Variants in RNGTT observed in about 807,000 individuals in gnomAD.
The protein encoded by RNGTT is RNA guanylyltransferase and 5'-phosphatase.
RNGTT carries 33 observed loss-of-function variants against 79.3 expected under a neutral mutation model. The ratio of observed to expected loss-of-function variants is 0.42; its 90% CI spans 0.32 to 0.56. RNGTT has a LOEUF of 0.56. RNGTT is among the 20% of genes least tolerant of loss of function. The pLI is 0.17. For synonymous variants in RNGTT, 222 were observed against 235.9 expected (o/e 0.94, Z 0.54); for missense variants, 497 against 739.1 (o/e 0.67, Z 3.80).
chr6:88,939,038 T>C (rs1784760328), intron 2 of RNGTT, among the ~76,000 whole-genome samples: 1 of 152,236 alleles, frequency 6.6e-6, no homozygotes, highest in African/African-American at 2.4e-5. Flanking sequence ...TAATGTTTTT[T>C]GAATTTTCTC....
chr6:88,839,887 A>AAAAACTG (rs1305909953), intron 11 of RNGTT, among the ~76,000 whole-genome samples: 1 of 152,216 alleles, frequency 6.6e-6, no homozygotes, highest in Non-Finnish European at 1.5e-5. Flanking sequence ...TATTAAAGTT[A>AAAAACTG]AAAACTGAAC....
chr6:88,773,241 AT>A lies in RNGTT; in HGVS notation c.1339-3368del. Among the ~76,000 whole-genome samples the A allele has an allele frequency of 2.0e-5, 3 of 149,086 alleles. No homozygotes were observed. The South Asian group carries it at 6.4e-4, about 32-fold the overall frequency. ...AAGAACAAAAAAACAAACACCGCAT[AT>A]TCTCACTCATAGGTGGGAATTGAAC... On this transcript the variant is annotated intron_variant, in intron 12 of 15. Transcript: ENST00000369485.
intron 8 of RNGTT, among the ~76,000 whole-genome samples, chr6:88,888,936 C>T (rs1582586815): frequency 6.6e-6 from 1 of 152,182 alleles, no homozygotes; most frequent in Admixed American, 6.5e-5. Flanking sequence ...GCTGAGGCAG[C>T]AGAATCGCTT....
intron 13 of RNGTT, among the ~76,000 whole-genome samples, chr6:88,708,708 T>C (rs1204640566): frequency 1.3e-5 from 2 of 152,192 alleles, no homozygotes; most frequent in African/African-American, 2.4e-5. Flanking sequence ...ACTTTGGGGT[T>C]TGCAGACTTT....
At chr6:88,810,652 C>T (rs1780107481) in intron 11 of RNGTT, among the ~76,000 whole-genome samples, 1 of 152,168 alleles carries the variant, frequency 6.6e-6, no homozygotes, top group African/African-American at 2.4e-5. Context: ...TTTAAACTCA[C>T]TTTGATATTC....
intron 2 of RNGTT, among the ~76,000 whole-genome samples, chr6:88,933,037 C>T (rs189081759): frequency 2.0e-5 from 3 of 152,270 alleles, no homozygotes; most frequent in Admixed American, 6.5e-5. Context: ...CACCCTTTCT[C>T]CACTTTAATC....
At chr6:88,757,072 T>G (rs1778042956) in intron 13 of RNGTT, among the ~76,000 whole-genome samples, 1 of 152,202 alleles carries the variant, frequency 6.6e-6, no homozygotes, top group African/African-American at 2.4e-5. Context: ...AAAGGACTAG[T>G]CATCAAACAC....
intron 1 of RNGTT, among the ~76,000 whole-genome samples, chr6:88,952,639 T>TA (rs1035490226): frequency 6.6e-6 from 1 of 152,210 alleles, no homozygotes; most frequent in African/African-American, 2.4e-5. Context: ...ACAACTTCAC[T>TA]ACTAGCATAA....
intron 13 of RNGTT, among the ~76,000 whole-genome samples, chr6:88,762,508 T>C (rs1778302971): frequency 6.6e-6 from 1 of 152,180 alleles, no homozygotes; most frequent in African/African-American, 2.4e-5. Flanking sequence ...GCCTCTAAAA[T>C]CTTATATACA....
At chr6:88,772,171 T>C (rs929358551) in intron 12 of RNGTT, among the ~76,000 whole-genome samples, 3 of 149,852 alleles carry the variant, frequency 2.0e-5, no homozygotes, top group Non-Finnish European at 4.4e-5. Flanking sequence ...AGAGTGAAAC[T>C]CTGTCTCAAA....
In RNGTT at chr6:88,612,514, A is replaced by T; in HGVS notation, c.*205T>A. On this transcript the variant is annotated 3_prime_UTR_variant, in exon 16 of 16. Transcript: ENST00000369485. ...GTTTATCAGATAAATAAGATGTTTAAGTCCACGATGTATTGCAGCACTGAG... is the reference window on the plus strand; with the variant it reads ...GTTTATCAGATAAATAAGATGTTTATGTCCACGATGTATTGCAGCACTGAG... 2.0e-6 allele frequency: 1 copy of T among 502,032 alleles called. No individual in the cohort carries two copies. Among genetic ancestry groups the T allele is most frequent in the Non-Finnish European group, 3.6e-6 (1 of 281,676 alleles). 31.1% of individuals were successfully genotyped at this position (502,032 alleles called of 1,614,324 possible). A position where few individuals can be genotyped will look rare whatever the true frequency, so the allele number is the denominator to read the frequency against.
intron 8 of RNGTT, among the ~76,000 whole-genome samples, chr6:88,865,836 C>T (rs1052250853): frequency 2.0e-5 from 3 of 151,940 alleles, no homozygotes; most frequent in Non-Finnish European, 4.4e-5. Flanking sequence ...ACAATAAACC[C>T]GAAAGCTATA....
At chr6:88,759,557 C>T (rs1054353160) in intron 13 of RNGTT, among the ~76,000 whole-genome samples, 10 of 152,126 alleles carry the variant, frequency 6.6e-5, no homozygotes, top group African/African-American at 1.9e-4. Context: ...CATGCACATA[C>T]ATGTGAACAT....
intron 13 of RNGTT, among the ~76,000 whole-genome samples, chr6:88,710,801 T>C (rs919728784): frequency 6.6e-6 from 1 of 152,184 alleles, no homozygotes. Context: ...ATTATATAGC[T>C]TTCCAAACAC....
chr6:88,799,784 AAGAG>A (rs1407037126), intron 12 of RNGTT, among the ~76,000 whole-genome samples: 2 of 152,108 alleles, frequency 1.3e-5, no homozygotes, highest in African/African-American at 4.8e-5. Flanking sequence ...ACATCCAAGA[AAGAG>A]ACTCACTTAT....
intron 8 of RNGTT, among the ~76,000 whole-genome samples, chr6:88,884,035 A>G (rs1269729549): frequency 6.6e-6 from 1 of 152,342 alleles, no homozygotes; most frequent in Middle Eastern, 3.4e-3. Flanking sequence ...GCATTCTCAC[A>G]AACTGCCTGT....
Position 88,898,661 on chromosome 6 carries a change from G to T in RNGTT, c.684+6054C>A, listed in dbSNP as rs576426857. ...ATATATAATTTTTAGTATATATACT[G>T]TGTGTGTGTGTGTATATATATATAT... On this transcript the variant is annotated intron_variant, in intron 6 of 15. Coordinates refer to ENST00000369485, the MANE Select transcript of RNGTT (RefSeq NM_003800.5). 1.4e-3 allele frequency among the ~76,000 whole-genome samples: 209 copies of T among 146,782 alleles called. 2 individuals are homozygous for T. Among genetic ancestry groups the T allele is most frequent in the Non-Finnish European group, 2.5e-3 (166 of 66,944 alleles).
At chr6:88,936,879 G>A (rs566775233) in intron 2 of RNGTT, among the ~76,000 whole-genome samples, 6 of 152,216 alleles carry the variant, frequency 3.9e-5, no homozygotes, top group African/African-American at 1.2e-4. Flanking sequence ...GAAGGCATCC[G>A]GTCCTAGACT....
chr6:88,943,312 C>G (rs185273285), intron 1 of RNGTT, among the ~76,000 whole-genome samples: 5 of 152,292 alleles, frequency 3.3e-5, no homozygotes, highest in African/African-American at 1.2e-4. Context: ...TAACATCATT[C>G]TTTTAGCAGC....
Sources: gnomAD v4.1 joint callset for allele counts (sites outside exome capture counted in the v4.1 genomes callset) on GRCh38, gnomAD v4.1.1 for gene constraint, MANE v1.5 for transcripts, NCBI Gene and HGNC (gene_info 2026-07-23, HGNC 2026-07-21) for gene names.